The following PPP4R4 variants were observed in gnomAD, a reference collection of about 807,000 sequenced individuals.
PPP4R4 encodes the protein serine/threonine-protein phosphatase 4 regulatory subunit 4.
In PPP4R4, 70 loss-of-function variants were observed where a neutral mutation model predicts 121.8. The ratio of observed to expected loss-of-function variants is 0.57; its 90% CI spans 0.47 to 0.70. PPP4R4 has a LOEUF of 0.70. PPP4R4 is among the 30% of genes least tolerant of loss of function. PPP4R4 has a pLI of 0.00. For synonymous variants in PPP4R4, 348 were observed against 355.7 expected (o/e 0.98, Z 0.24); for missense variants, 875 against 1,033.6 (o/e 0.85, Z 2.10).
At chr14:94,257,239 A>G (rs1020026872) in intron 17 of PPP4R4, among the ~76,000 whole-genome samples, 8 of 152,134 alleles carry the variant, frequency 5.3e-5, no homozygotes, top group African/African-American at 1.7e-4. Context: ...AACAGTAAAA[A>G]TTTGGGTTAG....
At chr14:94,211,889 G>A (rs1034120476) in intron 3 of PPP4R4, among the ~76,000 whole-genome samples, 2 of 152,174 alleles carry the variant, frequency 1.3e-5, no homozygotes, top group Non-Finnish European at 2.9e-5. Flanking sequence ...GCTTGACCAT[G>A]CATATGGTTC....
intron 3 of PPP4R4, among the ~76,000 whole-genome samples, chr14:94,212,163 A>G (rs944020122): frequency 6.6e-6 from 1 of 152,142 alleles, no homozygotes; most frequent in Non-Finnish European, 1.5e-5. Flanking sequence ...TGCTGGCCTT[A>G]TGTATTATAA....
intron 20 of PPP4R4, 73 bp downstream of exon 20, chr14:94,265,020 T>G: frequency 3.2e-6 from 4 of 1,236,938 alleles, no homozygotes; most frequent in Non-Finnish European, 4.6e-6. Context: ...TGAAAGACCA[T>G]GCTGAATTTT....
intron 2 of PPP4R4, among the ~76,000 whole-genome samples, chr14:94,190,935 A>G (rs1362449112): frequency 6.6e-6 from 1 of 151,750 alleles, no homozygotes; most frequent in Non-Finnish European, 1.5e-5. Context: ...GTGACCCTAC[A>G]TATACAGACA....
intron 20 of PPP4R4, 23 bp from the exon 21 acceptor site, chr14:94,265,364 A>G: frequency 6.5e-7 from 1 of 1,548,440 alleles, no homozygotes; most frequent in Non-Finnish European, 8.9e-7. Flanking sequence ...AAATTATACA[A>G]CTTAAAGCAG....
chr14:94,270,779 G>A (rs1343523599), intron 23 of PPP4R4, among the ~76,000 whole-genome samples: 1 of 151,994 alleles, frequency 6.6e-6, no homozygotes, highest in African/African-American at 2.4e-5. Flanking sequence ...TCAGCTGGGT[G>A]TGGTGGTGTG....
At chr14:94,243,276 TTTAAA>T (rs1159964651) in intron 11 of PPP4R4, among the ~76,000 whole-genome samples, 8 of 152,176 alleles carry the variant, frequency 5.3e-5, no homozygotes, top group South Asian at 4.1e-4. Flanking sequence ...ACATCTTCTC[TTTAAA>T]TTAATTTCAG....
intron 8 of PPP4R4, among the ~76,000 whole-genome samples, chr14:94,238,727 A>G (rs998849124): frequency 4.6e-5 from 7 of 152,206 alleles, no homozygotes; most frequent in African/African-American, 1.2e-4. Context: ...ACAGAATTCA[A>G]TCGTATAATT....
chr14:94,185,893 A>C (rs1889249046), intron 2 of PPP4R4, among the ~76,000 whole-genome samples: 1 of 152,184 alleles, frequency 6.6e-6, no homozygotes, highest in African/African-American at 2.4e-5. Context: ...AACTAGCACA[A>C]AATATAGAAC....
intron 3 of PPP4R4, among the ~76,000 whole-genome samples, chr14:94,222,309 G>T (rs1385900123): frequency 6.6e-6 from 1 of 151,728 alleles, no homozygotes; most frequent in Non-Finnish European, 1.5e-5. Flanking sequence ...GGAAGTTACA[G>T]ACTCTTTTAC....
intron 2 of PPP4R4, among the ~76,000 whole-genome samples, chr14:94,195,736 T>G (rs188270281): frequency 1.6e-4 from 25 of 152,226 alleles, no homozygotes; most frequent in African/African-American, 5.5e-4. Flanking sequence ...CACTCCTGGT[T>G]GAGAACCACT....
At chr14:94,215,627 A>C (rs1890981668) in intron 3 of PPP4R4, among the ~76,000 whole-genome samples, 1 of 152,206 alleles carries the variant, frequency 6.6e-6, no homozygotes, top group Non-Finnish European at 1.5e-5. Flanking sequence ...GGTCAGAATT[A>C]AGAGGTCTTG....
At chr14:94,210,255 GAATC>G (rs1036919084) in intron 3 of PPP4R4, among the ~76,000 whole-genome samples, 26 of 150,254 alleles carry the variant, frequency 1.7e-4, no homozygotes, top group Admixed American at 1.3e-4. Context: ...TTTATACAAA[GAATC>G]AAAGTGTATA....
chr14:94,263,377 C>T lies in PPP4R4; in HGVS notation c.2128-1501C>T, dbSNP rs541889255. Among the ~76,000 whole-genome samples, 3 of 152,252 alleles carry T rather than the reference C, an allele frequency of 2.0e-5. No homozygotes were observed. The East Asian group carries it at 5.8e-4, about 29-fold the overall frequency. On this transcript the variant is annotated intron_variant, in intron 19 of 24. Transcript: ENST00000304338. ...TGTATCTTCAGTGTTACCAACCCTT[C>T]CCTGTCATCTCCATTCAGCTGCTGA...
At chr14:94,230,503 T>C (rs980606897) in intron 3 of PPP4R4, 84 bp from the exon 4 acceptor site, 1 of 1,282,506 alleles carries the variant, frequency 7.8e-7, no homozygotes, top group African/African-American at 1.5e-5. Context: ...TATGACTATT[T>C]AGTTTCTACA....
chr14:94,265,291 G>A (rs961313254), intron 20 of PPP4R4, 96 bp from the exon 21 acceptor site: 2 of 838,914 alleles, frequency 2.4e-6, no homozygotes, highest in African/African-American at 3.5e-5. Flanking sequence ...CTTAGCTAGG[G>A]ATAGTGATTC....
chr14:94,265,800 A>G lies in PPP4R4; in HGVS notation c.2291A>G (p.Glu764Gly). The change falls in exon 22 of 25, where the codon GAA (glutamate) becomes GGA (glycine). Residue 764 changes from glutamate to glycine, a missense_variant. Transcript: ENST00000304338. ...TTTCTGCTTATTGCTCTAGGTAAAG[A>G]AATCAAGAAATCCAAACTGATTCGA... ...PSSVTPSTSK[E>G]IKKSKLIRSQ... The G allele has an allele frequency of 6.2e-7, 1 of 1,600,282 alleles. No individual in the cohort carries two copies. The highest frequency in any genetic ancestry group is 2.2e-5 in the East Asian group (1 of 44,692).
chr14:94,197,699 C>T (rs1889959183), intron 2 of PPP4R4, among the ~76,000 whole-genome samples: 1 of 152,106 alleles, frequency 6.6e-6, no homozygotes, highest in African/African-American at 2.4e-5. Context: ...TCCCCATGTC[C>T]CTTTTGTAAC....
Position 94,242,402 on chromosome 14 carries a change from T to TTATGAAGTAAGTCTGAAGACTTGATA in PPP4R4, c.1262_1266+21dup. 6.2e-7 allele frequency: 1 copy of TTATGAAGTAAGTCTGAAGACTTGATA among 1,609,250 alleles called. No individual in the cohort carries two copies. Among genetic ancestry groups the TTATGAAGTAAGTCTGAAGACTTGATA allele is most frequent in the Non-Finnish European group, 8.5e-7 (1 of 1,175,838 alleles). ...TCAGATACACTATTGCTATTTGCTT[T>TTATGAAGTAAGTCTGAAGACTTGATA]TATGAAGTAAGTCTGAAGACTTGAT... On this transcript the variant is annotated stop_gained and frameshift_variant, in exon 11 of 25. Transcript: ENST00000304338. LOFTEE classifies it high-confidence loss of function.
Sources: allele counts gnomAD v4.1 joint callset (sites outside exome capture counted in the v4.1 genomes callset), GRCh38; gene constraint gnomAD v4.1.1; transcripts MANE v1.5; gene names NCBI Gene and HGNC (gene_info 2026-07-23, HGNC 2026-07-21).